LGSN: variants seen among roughly 807,000 people sequenced by gnomAD.
LGSN encodes lengsin, lens protein with glutamine synthetase domain, also known as lengsin.
A neutral mutation model predicts 19.5 loss-of-function variants in LGSN; 21 were observed. The observed-to-expected ratio is 1.07, with a 90% CI of 0.76 to 1.55. The LOEUF (loss-of-function observed/expected upper bound fraction) is 1.55. Ranked by LOEUF, LGSN falls within the 40% of genes most tolerant of loss-of-function variation. The probability of loss-of-function intolerance (pLI) is 0.00; values close to 1 mark genes in which losing one functional copy is unlikely to be tolerated. For missense variants in LGSN, 673 were observed against 608.5 expected, an observed-to-expected ratio of 1.11 and a Z score of -1.12; for synonymous variants, 257 against 215.6, an observed-to-expected ratio of 1.19 and a Z score of -1.68.
At chr6:63,363,993 A>G in the LGSN span, among the ~76,000 whole-genome samples, 1 of 152,194 alleles carries the variant, frequency 6.6e-6, no homozygotes, top group African/African-American at 2.4e-5. Context: ...TGTAAAGACC[A>G]TCGATGCTAG....
At chr6:63,523,524 T>C in the LGSN span, among the ~76,000 whole-genome samples, 5 of 151,798 alleles carry the variant, frequency 3.3e-5, no homozygotes, top group African/African-American at 1.2e-4. Flanking sequence ...AATAAATAAA[T>C]AAATAAATAA....
At chr6:63,403,883 AG>A in the LGSN span, among the ~76,000 whole-genome samples, 1 of 152,102 alleles carries the variant, frequency 6.6e-6, no homozygotes, top group South Asian at 2.1e-4. Context: ...AATGTGGTAA[AG>A]GCAATGAGAT....
At chr6:63,296,938 G>A (rs1176065880) in intron 1 of LGSN, among the ~76,000 whole-genome samples, 2 of 151,394 alleles carry the variant, frequency 1.3e-5, no homozygotes, top group African/African-American at 4.9e-5. Context: ...CAAAAGAAAG[G>A]TCATTTTAAA....
the LGSN span, among the ~76,000 whole-genome samples, chr6:63,488,365 C>CAAGG: frequency 6.6e-6 from 1 of 152,126 alleles, no homozygotes; most frequent in Non-Finnish European, 1.5e-5. Context: ...AGGTAATTTG[C>CAAGG]CCAGCATCCC....
At chr6:63,501,239 G>T in the LGSN span, among the ~76,000 whole-genome samples, 1 of 151,888 alleles carries the variant, frequency 6.6e-6, no homozygotes, top group African/African-American at 2.4e-5. Flanking sequence ...CAGGCGTAGT[G>T]TAGTCCCAGC....
the LGSN span, among the ~76,000 whole-genome samples, chr6:63,486,029 T>C: frequency 4.6e-5 from 7 of 152,062 alleles, no homozygotes; most frequent in Admixed American, 6.6e-5. Flanking sequence ...CACACCCGGC[T>C]GAACATTGTT....
the LGSN span, among the ~76,000 whole-genome samples, chr6:63,472,222 G>A: frequency 4.3e-4 from 66 of 152,270 alleles, 2 homozygotes; most frequent in East Asian, 0.011. Flanking sequence ...TGGCCCTTCA[G>A]CCTACATTTG....
the LGSN span, among the ~76,000 whole-genome samples, chr6:63,415,705 T>C: frequency 6.6e-6 from 1 of 152,236 alleles, no homozygotes; most frequent in Admixed American, 6.5e-5. Context: ...CCCTCATTTC[T>C]TGAGATAGCT....
chr6:63,508,578 C>A, the LGSN span, among the ~76,000 whole-genome samples: 1 of 151,992 alleles, frequency 6.6e-6, no homozygotes, highest in African/African-American at 2.4e-5. Context: ...GATTAAAAGT[C>A]ATTAGGGTAA....
At chr6:63,453,256 T>C in the LGSN span, among the ~76,000 whole-genome samples, 1 of 152,190 alleles carries the variant, frequency 6.6e-6, no homozygotes, top group Non-Finnish European at 1.5e-5. Context: ...GAAAAGAATA[T>C]GTACTCTGCT....
At chr6:63,378,232 T>C in the LGSN span, among the ~76,000 whole-genome samples, 1 of 151,954 alleles carries the variant, frequency 6.6e-6, no homozygotes, top group African/African-American at 2.4e-5. Flanking sequence ...TCCGCAACAA[T>C]AGAAACATCT....
At chr6:63,401,320 A>G in the LGSN span, among the ~76,000 whole-genome samples, 9 of 152,078 alleles carry the variant, frequency 5.9e-5, no homozygotes, top group East Asian at 1.7e-3. Context: ...GGATTACTTG[A>G]ATCCAGGAAG....
chr6:63,558,980 A>G, the LGSN span, among the ~76,000 whole-genome samples: 1 of 152,218 alleles, frequency 6.6e-6, no homozygotes, highest in Non-Finnish European at 1.5e-5. Context: ...TTGAAGGGTG[A>G]TTAGCTTTAA....
chr6:63,338,924 C>A, the LGSN span, among the ~76,000 whole-genome samples: 1 of 151,916 alleles, frequency 6.6e-6, no homozygotes, highest in Non-Finnish European at 1.5e-5. Context: ...CTTCATAGAC[C>A]CAATTATTAT....
the LGSN span, among the ~76,000 whole-genome samples, chr6:63,381,003 C>T: frequency 6.6e-6 from 1 of 152,072 alleles, no homozygotes; most frequent in African/African-American, 2.4e-5. Flanking sequence ...TTGAGATCAG[C>T]CTGGGCAACA....
At chr6:63,492,440 A>G in the LGSN span, among the ~76,000 whole-genome samples, 11 of 152,364 alleles carry the variant, frequency 7.2e-5, no homozygotes, top group Middle Eastern at 3.4e-3. Flanking sequence ...ATCCGTAATT[A>G]TACAGTGACT....
the LGSN span, among the ~76,000 whole-genome samples, chr6:63,397,353 G>A: frequency 3.3e-5 from 5 of 151,686 alleles, no homozygotes; most frequent in African/African-American, 7.3e-5. Flanking sequence ...GCAAAACAAC[G>A]TTGTACAAGT....
chr6:63,367,817 C>T, the LGSN span, among the ~76,000 whole-genome samples: 1 of 151,754 alleles, frequency 6.6e-6, no homozygotes, highest in Non-Finnish European at 1.5e-5. Flanking sequence ...TGGAAACCAT[C>T]ATTCTGAGCA....
the LGSN span, among the ~76,000 whole-genome samples, chr6:63,565,767 GTAGCTCT>G: frequency 6.6e-6 from 1 of 152,204 alleles, no homozygotes; most frequent in Admixed American, 6.5e-5. Flanking sequence ...AAATTAGGAT[GTAGCTCT>G]GCTACAGCAT....
Sources: gnomAD v4.1 joint callset for allele counts (sites outside exome capture counted in the v4.1 genomes callset) on GRCh38, gnomAD v4.1.1 for gene constraint, MANE v1.5 for transcripts, NCBI Gene and HGNC (gene_info 2026-07-23, HGNC 2026-07-21) for gene names.